The following STX2 variants were observed in gnomAD, a reference collection of about 807,000 sequenced individuals.
STX2 encodes syntaxin 2, also known as syntaxin-2.
Under a neutral mutation model 40.6 loss-of-function variants are expected in STX2, and 27 were observed. The observed-to-expected ratio is 0.66, with a 90% CI of 0.49 to 0.92. STX2 has a LOEUF of 0.92. Ranked by LOEUF, STX2 falls within the 40% of genes least tolerant of loss-of-function variation. The pLI, the probability that STX2 is intolerant of heterozygous loss-of-function variation, is 0.00. For synonymous variants in STX2, 123 were observed against 119.1 expected, an observed-to-expected ratio of 1.03 and a Z score of -0.22; for missense variants, 328 against 366.1, an observed-to-expected ratio of 0.90 and a Z score of 0.85.
chr12:130,819,387 G>A (rs989533399), intron 3 of STX2, among the ~76,000 whole-genome samples: 7 of 127,092 alleles, frequency 5.5e-5, no homozygotes, highest in Middle Eastern at 4.4e-3. Context: ...GCGTTACCCC[G>A]GGCCCATCAC....
chr12:130,813,070 T>C, intron 3 of STX2, 39 bp from the exon 4 acceptor site: 1 of 1,191,834 alleles, frequency 8.4e-7, no homozygotes, highest in Non-Finnish European at 1.2e-6. Flanking sequence ...ATACAGCATC[T>C]GAGCTATAAT....
chr12:130,808,826 A>C lies in STX2; in HGVS notation c.281-122T>G, dbSNP rs112721535. On this transcript the variant is annotated intron_variant, in intron 4 of 10. Transcript: ENST00000392373. ...CTTTATAAAACTAAAGCTAATGAAC[A>C]AGTGACCTTCTAAAACAATCTACTA... The C allele has an allele frequency of 3.4e-3, 2,775 of 821,102 alleles. 49 individuals are homozygous for C. The African/African-American group carries it at 0.042, about 13-fold the overall frequency. The allele number at this position is 821,102 out of a possible 1,614,324, so 50.9% of individuals were successfully genotyped here.
intron 3 of STX2, among the ~76,000 whole-genome samples, chr12:130,816,223 G>T (rs977927500): frequency 2.0e-5 from 3 of 152,184 alleles, no homozygotes; most frequent in African/African-American, 7.2e-5. Context: ...CTCGGGAGAC[G>T]GTCTTGAGCC....
At chr12:130,829,246 C>A (rs1952460744) in intron 1 of STX2, among the ~76,000 whole-genome samples, 1 of 152,204 alleles carries the variant, frequency 6.6e-6, no homozygotes, top group African/African-American at 2.4e-5. Context: ...TGTACTATTA[C>A]CATGTTGACC....
intron 6 of STX2, 123 bp from the exon 7 acceptor site, chr12:130,801,611 CT>C (rs113107507): frequency 9.3e-7 from 1 of 1,075,430 alleles, no homozygotes. Context: ...TTTTTTTAAC[CT>C]TTTCTTAAGC....
chr12:130,811,536 C>CTTTTTT (rs71088788), intron 4 of STX2, among the ~76,000 whole-genome samples: 2 of 95,552 alleles, frequency 2.1e-5, no homozygotes, highest in Non-Finnish European at 4.0e-5. Context: ...CCATTAACAT[C>CTTTTTT]TTTTTTTTTT....
chr12:130,834,719 G>A (rs1188916557), intron 1 of STX2, among the ~76,000 whole-genome samples: 2 of 152,222 alleles, frequency 1.3e-5, no homozygotes, highest in Non-Finnish European at 2.9e-5. Context: ...GACTCCAACT[G>A]TAGGAACTGT....
At chr12:130,815,232 G>T (rs1256565266) in intron 3 of STX2, among the ~76,000 whole-genome samples, 1 of 152,166 alleles carries the variant, frequency 6.6e-6, no homozygotes, top group Non-Finnish European at 1.5e-5. Context: ...CCACCCCAAG[G>T]GGTATTCTGA....
intron 10 of STX2, among the ~76,000 whole-genome samples, chr12:130,794,074 C>T (rs574990898): frequency 8.5e-5 from 13 of 152,182 alleles, no homozygotes; most frequent in Admixed American, 3.3e-4. Flanking sequence ...TGAAAAGTCG[C>T]GCATTTCACT....
intron 3 of STX2, among the ~76,000 whole-genome samples, chr12:130,819,358 C>T (rs1206833356): frequency 1.3e-5 from 2 of 151,100 alleles, no homozygotes; most frequent in Non-Finnish European, 3.0e-5. Flanking sequence ...GCGGGAAGGC[C>T]AAGAGCCTGT....
chr12:130,793,350 TCTTC>T (rs1445493139), intron 10 of STX2, among the ~76,000 whole-genome samples: 6 of 152,234 alleles, frequency 3.9e-5, no homozygotes, highest in Middle Eastern at 3.4e-3. Context: ...AGAAACCTCT[TCTTC>T]CTTTTCTCTG....
At chr12:130,792,747 T>C (rs1950915722) in intron 10 of STX2, among the ~76,000 whole-genome samples, 1 of 152,266 alleles carries the variant, frequency 6.6e-6, no homozygotes, top group African/African-American at 2.4e-5. Flanking sequence ...ATTACAGGCA[T>C]GAGCCACTGC....
At chr12:130,815,561 T>C (rs1368893320) in intron 3 of STX2, among the ~76,000 whole-genome samples, 4 of 152,210 alleles carry the variant, frequency 2.6e-5, no homozygotes, top group Non-Finnish European at 5.9e-5. Flanking sequence ...ATCTGCATCG[T>C]TTCAATATCC....
intron 1 of STX2, among the ~76,000 whole-genome samples, chr12:130,837,158 A>G (rs1952778799): frequency 6.9e-6 from 1 of 143,908 alleles, no homozygotes; most frequent in Non-Finnish European, 1.5e-5. Context: ...CCCAGGCGGG[A>G]GTGCAGTGGC....
intron 9 of STX2, among the ~76,000 whole-genome samples, 184 bp from the exon 10 acceptor site, chr12:130,796,304 G>A (rs1295928147): frequency 6.6e-6 from 1 of 152,096 alleles, no homozygotes; most frequent in East Asian, 1.9e-4. Context: ...GACCAGCCTG[G>A]CCAACATGGC....
intron 6 of STX2, among the ~76,000 whole-genome samples, chr12:130,804,866 G>T (rs1951370043): frequency 6.6e-6 from 1 of 151,608 alleles, no homozygotes; most frequent in Non-Finnish European, 1.5e-5. Context: ...ATGATTGCAA[G>T]AGAAGAAACT....
chr12:130,827,792 G>A (rs1467292366), intron 1 of STX2, among the ~76,000 whole-genome samples: 3 of 152,170 alleles, frequency 2.0e-5, no homozygotes, highest in Non-Finnish European at 4.4e-5. Context: ...TGTGGTCCCA[G>A]CTACTTAGGA....
At chr12:130,805,229 A>G (rs1192513820) in intron 6 of STX2, among the ~76,000 whole-genome samples, 1 of 152,208 alleles carries the variant, frequency 6.6e-6, no homozygotes, top group African/African-American at 2.4e-5. Context: ...AGCAACAGGG[A>G]CCGTATTTTC....
chr12:130,792,329 G>C (rs1002482784), intron 10 of STX2, among the ~76,000 whole-genome samples: 1 of 152,212 alleles, frequency 6.6e-6, no homozygotes, highest in Non-Finnish European at 1.5e-5. Flanking sequence ...AAAATGCTGG[G>C]ATTACAGGCG....
Sources: gnomAD v4.1 joint callset for allele counts (sites outside exome capture counted in the v4.1 genomes callset) on GRCh38, gnomAD v4.1.1 for gene constraint, MANE v1.5 for transcripts, NCBI Gene and HGNC (gene_info 2026-07-23, HGNC 2026-07-21) for gene names.